Variants in KAZN observed in about 807,000 individuals in gnomAD.
KAZN encodes kazrin, periplakin interacting protein.
KAZN carries 40 observed loss-of-function variants against 87.4 expected under a neutral mutation model. The ratio of observed to expected loss-of-function variants is 0.46; its 90% CI spans 0.36 to 0.60. The LOEUF (loss-of-function observed/expected upper bound fraction) is 0.60. Ranked by LOEUF, KAZN falls within the 20% of genes least tolerant of loss-of-function variation. KAZN has a pLI of 0.00. For missense variants in KAZN, 898 were observed against 1,073.9 expected, an observed-to-expected ratio of 0.84 and a Z score of 2.29; for synonymous variants, 466 against 458.3, an observed-to-expected ratio of 1.02 and a Z score of -0.22.
At chr1:14,948,357 G>A (rs986033046) in intron 1 of KAZN, among the ~76,000 whole-genome samples, 2 of 152,214 alleles carry the variant, frequency 1.3e-5, no homozygotes, top group Non-Finnish European at 2.9e-5. Flanking sequence ...CCAATGGCAA[G>A]ACAGCTGCCA....
intron 2 of KAZN, among the ~76,000 whole-genome samples, chr1:14,552,612 C>CTGG (rs1673608847): frequency 6.6e-6 from 1 of 152,200 alleles, no homozygotes. Flanking sequence ...CCTCCCATCA[C>CTGG]AAAAGCTGGA....
intron 2 of KAZN, among the ~76,000 whole-genome samples, chr1:14,531,719 C>T (rs1327602596): frequency 6.6e-6 from 1 of 152,220 alleles, no homozygotes; most frequent in Admixed American, 6.5e-5. Flanking sequence ...ATCATTATTG[C>T]TGTTCAAACC....
intron 1 of KAZN, among the ~76,000 whole-genome samples, chr1:14,920,276 G>GGTTT (rs748284882): frequency 4.2e-5 from 4 of 94,158 alleles, no homozygotes; most frequent in Non-Finnish European, 8.0e-5. Context: ...CCTCTTTTCT[G>GGTTT]TTTTTTTTTT....
At chr1:14,489,828 CTTAAT>C (rs1166155717) in intron 2 of KAZN, among the ~76,000 whole-genome samples, 8 of 151,348 alleles carry the variant, frequency 5.3e-5, no homozygotes, top group African/African-American at 1.9e-4. Flanking sequence ...AGAATTTTTC[CTTAAT>C]TTAAATATTA....
intron 2 of KAZN, among the ~76,000 whole-genome samples, chr1:14,261,959 G>T (rs975372140): frequency 2.0e-5 from 3 of 152,130 alleles, no homozygotes; most frequent in Non-Finnish European, 2.9e-5. Flanking sequence ...ATGACCACTG[G>T]CATACATCAT....
At chr1:14,896,310 C>T (rs1655271952) in intron 1 of KAZN, among the ~76,000 whole-genome samples, 1 of 152,154 alleles carries the variant, frequency 6.6e-6, no homozygotes, top group Non-Finnish European at 1.5e-5. Context: ...GCCTCGGCCT[C>T]CCAAAGCACT....
At chr1:15,045,227 G>T (rs1186651844) in intron 4 of KAZN, among the ~76,000 whole-genome samples, 1 of 152,146 alleles carries the variant, frequency 6.6e-6, no homozygotes, top group East Asian at 1.9e-4. Context: ...AGTAGGGGAA[G>T]GGGGAGGACG....
At chr1:15,095,342 AG>A (rs905820452) in intron 10 of KAZN, among the ~76,000 whole-genome samples, 1 of 152,190 alleles carries the variant, frequency 6.6e-6, no homozygotes, top group African/African-American at 2.4e-5. Context: ...GAGCCGAGGC[AG>A]GCAGAGATCA....
At chr1:15,071,273 G>A (rs111355185) in intron 8 of KAZN, among the ~76,000 whole-genome samples, 20,600 of 151,588 alleles carry the variant, frequency 0.14, 2,418 homozygotes, top group African/African-American at 0.33. Context: ...CTTTTTTGAG[G>A]CAGAGTCTCA....
chr1:14,857,748 A>G (rs1167686504), intron 1 of KAZN, among the ~76,000 whole-genome samples: 1 of 152,142 alleles, frequency 6.6e-6, no homozygotes, highest in East Asian at 1.9e-4. Flanking sequence ...GTTTTAATTC[A>G]GAGTCTAGCC....
chr1:14,197,791 G>A (rs181306076), intron 2 of KAZN, among the ~76,000 whole-genome samples: 1 of 152,176 alleles, frequency 6.6e-6, no homozygotes, highest in Admixed American at 6.5e-5. Flanking sequence ...GAGCAGGAAG[G>A]TCAGGCTGAT....
chr1:14,307,210 C>A (rs56216646), intron 2 of KAZN, among the ~76,000 whole-genome samples: 24,579 of 152,152 alleles, frequency 0.16, 2,582 homozygotes, highest in Middle Eastern at 0.24. Context: ...ACACCTGACA[C>A]CCTCTGCACC....
chr1:14,907,678 A>G (rs1656762999), intron 1 of KAZN, among the ~76,000 whole-genome samples: 1 of 152,164 alleles, frequency 6.6e-6, no homozygotes, highest in African/African-American at 2.4e-5. Context: ...TTAGAAGGAA[A>G]AGAAAGAAGG....
At chr1:14,526,673 T>C (rs1671883152) in intron 2 of KAZN, among the ~76,000 whole-genome samples, 1 of 151,888 alleles carries the variant, frequency 6.6e-6, no homozygotes, top group African/African-American at 2.4e-5. Context: ...TCCATATTTT[T>C]AAACACATCC....
At chr1:13,905,858 GA>G (rs1245001155) in intron 1 of KAZN, among the ~76,000 whole-genome samples, 11 of 152,138 alleles carry the variant, frequency 7.2e-5, no homozygotes, top group African/African-American at 2.7e-4. Flanking sequence ...TAAAACGACA[GA>G]AACATATTAT....
At chr1:14,892,788 G>T (rs557983327) in intron 1 of KAZN, among the ~76,000 whole-genome samples, 9 of 152,234 alleles carry the variant, frequency 5.9e-5, no homozygotes, top group Admixed American at 2.6e-4. Context: ...GGCTCCGGTG[G>T]CCTGGGCCCA....
chr1:14,262,180 G>A (rs1651081256), intron 2 of KAZN, among the ~76,000 whole-genome samples: 1 of 152,184 alleles, frequency 6.6e-6, no homozygotes, highest in Non-Finnish European at 1.5e-5. Flanking sequence ...TTGGGAAGCT[G>A]AGACAGGAGG....
chr1:14,315,289 C>A (rs1655578812), intron 2 of KAZN, among the ~76,000 whole-genome samples: 1 of 151,918 alleles, frequency 6.6e-6, no homozygotes, highest in Non-Finnish European at 1.5e-5. Flanking sequence ...TGTCTGGCAA[C>A]CAAACATTTT....
At chr1:13,935,190 T>C (rs1286397537) in intron 1 of KAZN, among the ~76,000 whole-genome samples, 1 of 151,446 alleles carries the variant, frequency 6.6e-6, no homozygotes, top group Non-Finnish European at 1.5e-5. Flanking sequence ...TGAGCCGAGA[T>C]GGCGCCATTG....
Sources: allele counts gnomAD v4.1 joint callset (sites outside exome capture counted in the v4.1 genomes callset), GRCh38; gene constraint gnomAD v4.1.1; transcripts MANE v1.5; gene names NCBI Gene and HGNC (gene_info 2026-07-23, HGNC 2026-07-21).